Variants in SUGCT observed in about 807,000 individuals in gnomAD.
SUGCT encodes the protein succinyl-CoA:glutarate CoA-transferase.
A neutral mutation model predicts 55.0 loss-of-function variants in SUGCT; 41 were observed. The ratio of observed to expected loss-of-function variants is 0.74; its 90% CI spans 0.58 to 0.97. The LOEUF (loss-of-function observed/expected upper bound fraction) is 0.97, where lower values mean the gene tolerates loss of function less well. SUGCT is among the 50% of genes least tolerant of loss of function. The pLI is 0.00. For synonymous variants in SUGCT, 187 were observed against 200.4 expected, an observed-to-expected ratio of 0.93 and a Z score of 0.56; for missense variants, 568 against 547.8, an observed-to-expected ratio of 1.04 and a Z score of -0.37.
In SUGCT at chr7:40,595,049, G is replaced by GA. The variant is rs916789920; in HGVS notation, c.1089+98671dup. Among the ~76,000 whole-genome samples the GA allele has an allele frequency of 2.6e-5, 4 of 151,690 alleles. No individual in the cohort carries two copies. In the South Asian group the frequency reaches 6.2e-4, roughly 24 times the overall value. ...AAAAAAGAGGTTGCATAAGACATCA[G>GA]AAAAAAAATAATTCTCTGTATATTT... On this transcript the variant is annotated intron_variant, in intron 12 of 13. Coordinates refer to ENST00000335693, the MANE Select transcript of SUGCT (RefSeq NM_001193313.2).
At chr7:40,587,010 T>G (rs1321967568) in intron 12 of SUGCT, among the ~76,000 whole-genome samples, 1 of 152,232 alleles carries the variant, frequency 6.6e-6, no homozygotes, top group Non-Finnish European at 1.5e-5. Context: ...ATCACAAATG[T>G]ATTATGCTAA....
chr7:40,935,368 C>T, the SUGCT span, among the ~76,000 whole-genome samples: 9 of 152,186 alleles, frequency 5.9e-5, no homozygotes, highest in African/African-American at 7.2e-5. Flanking sequence ...CATCATCCCC[C>T]AAAGAAACTC....
intron 12 of SUGCT, among the ~76,000 whole-genome samples, chr7:40,574,638 G>A (rs1241898869): frequency 1.3e-5 from 2 of 152,158 alleles, no homozygotes; most frequent in African/African-American, 4.8e-5. Flanking sequence ...CACCATGTTA[G>A]CCAGGCTGGT....
At chr7:40,550,454 C>G (rs1373567906) in intron 12 of SUGCT, among the ~76,000 whole-genome samples, 1 of 152,188 alleles carries the variant, frequency 6.6e-6, no homozygotes, top group African/African-American at 2.4e-5. Context: ...TACCTTTTCT[C>G]TTCTTGTATG....
chr7:40,611,418 T>A (rs1229981593), intron 12 of SUGCT, among the ~76,000 whole-genome samples: 2 of 152,192 alleles, frequency 1.3e-5, no homozygotes, highest in East Asian at 3.9e-4. Flanking sequence ...TGGTGGGGCA[T>A]GATTGAAAGA....
At chr7:40,637,815 T>C (rs779828731) in intron 12 of SUGCT, among the ~76,000 whole-genome samples, 5 of 152,242 alleles carry the variant, frequency 3.3e-5, no homozygotes, top group Admixed American at 6.5e-5. Context: ...AATATGGTGA[T>C]TGGAAGATTT....
chr7:40,391,159 T>G (rs1325853512), intron 9 of SUGCT, among the ~76,000 whole-genome samples: 1 of 152,154 alleles, frequency 6.6e-6, no homozygotes, highest in African/African-American at 2.4e-5. Flanking sequence ...ACTTAAATGT[T>G]AGACCTAAAA....
At chr7:40,268,837 C>A (rs1042782164) in intron 7 of SUGCT, among the ~76,000 whole-genome samples, 1 of 152,096 alleles carries the variant, frequency 6.6e-6, no homozygotes, top group Non-Finnish European at 1.5e-5. Context: ...TGGGGTTTCA[C>A]CATGTTGGCC....
intron 12 of SUGCT, among the ~76,000 whole-genome samples, chr7:40,628,886 G>A (rs1232086069): frequency 1.3e-5 from 2 of 152,042 alleles, no homozygotes; most frequent in African/African-American, 2.4e-5. Context: ...GACTACAGGC[G>A]TGCACCACCA....
intron 11 of SUGCT, among the ~76,000 whole-genome samples, 156 bp downstream of exon 11, chr7:40,459,354 G>A (rs1789668623): frequency 6.6e-6 from 1 of 151,764 alleles, no homozygotes; most frequent in African/African-American, 2.4e-5. Context: ...AAAGCTGTGG[G>A]GTTTTTTTGT....
chr7:40,432,587 G>T (rs954959901), intron 9 of SUGCT, among the ~76,000 whole-genome samples: 1 of 150,848 alleles, frequency 6.6e-6, no homozygotes, highest in Non-Finnish European at 1.5e-5. Flanking sequence ...TCGGGAGGCT[G>T]AGGCAGGAGA....
intron 8 of SUGCT, among the ~76,000 whole-genome samples, chr7:40,276,354 A>G (rs575953454): frequency 1.3e-5 from 2 of 152,290 alleles, no homozygotes; most frequent in East Asian, 3.9e-4. Context: ...TGCACATCCA[A>G]TAAGTTTGGA....
At chr7:40,906,123 T>A in the SUGCT span, among the ~76,000 whole-genome samples, 2 of 151,412 alleles carry the variant, frequency 1.3e-5, no homozygotes, top group Non-Finnish European at 2.9e-5. Flanking sequence ...CTGTTTTTTG[T>A]TTTTGTTTTT....
chr7:40,640,872 T>A (rs1239419033), intron 12 of SUGCT, among the ~76,000 whole-genome samples: 69 of 152,222 alleles, frequency 4.5e-4, no homozygotes, highest in Non-Finnish European at 1.5e-5. Context: ...CATCCTGGGG[T>A]TGTGTTCCTG....
Position 40,721,352 on chromosome 7 carries a change from A to G in SUGCT, c.1090-28082A>G, listed in dbSNP as rs183742208. 1.2e-4 allele frequency among the ~76,000 whole-genome samples: 18 copies of G among 152,194 alleles called. No individual in the cohort carries two copies. The East Asian group carries it at 2.1e-3, about 18-fold the overall frequency. ...GTTGCATTTTTTTTCATCTCCTGAG[A>G]GTTATTATGAACTTTCTTTACTGAG... On this transcript the variant is annotated intron_variant, in intron 12 of 13. Coordinates refer to ENST00000335693, the MANE Select transcript of SUGCT (RefSeq NM_001193313.2).
intron 12 of SUGCT, among the ~76,000 whole-genome samples, chr7:40,690,602 C>CT (rs1440688862): frequency 6.6e-6 from 1 of 151,862 alleles, no homozygotes. Context: ...AGGTGAAACT[C>CT]TGTCGCTCAG....
At chr7:40,677,284 A>G (rs992461568) in intron 12 of SUGCT, among the ~76,000 whole-genome samples, 2 of 152,210 alleles carry the variant, frequency 1.3e-5, no homozygotes, top group Admixed American at 1.3e-4. Context: ...TCAAAAAATG[A>G]GGAGTTCTGT....
At chr7:40,654,092 T>G (rs1235048045) in intron 12 of SUGCT, among the ~76,000 whole-genome samples, 1 of 152,150 alleles carries the variant, frequency 6.6e-6, no homozygotes, top group Non-Finnish European at 1.5e-5. Context: ...TCCCATAAGG[T>G]ATCAATATCT....
At chr7:40,320,814 G>A (rs959645341) in intron 9 of SUGCT, among the ~76,000 whole-genome samples, 1 of 152,140 alleles carries the variant, frequency 6.6e-6, no homozygotes. Flanking sequence ...AGATTTTAGA[G>A]CATACAAGTG....
Sources: gnomAD v4.1 joint callset for allele counts (sites outside exome capture counted in the v4.1 genomes callset) on GRCh38, gnomAD v4.1.1 for gene constraint, MANE v1.5 for transcripts, NCBI Gene and HGNC (gene_info 2026-07-23, HGNC 2026-07-21) for gene names.